MRPS15: variants seen among roughly 807,000 people sequenced by gnomAD.
MRPS15 encodes the protein small ribosomal subunit protein uS15m.
MRPS15 carries 25 observed loss-of-function variants against 30.7 expected under a neutral mutation model. The observed-to-expected ratio is 0.81, with a 90% CI of 0.59 to 1.14. MRPS15 has a LOEUF of 1.14. Among genes scored for constraint, MRPS15 ranks in the 50% most tolerant of loss-of-function variants. The probability of loss-of-function intolerance (pLI) is 0.00; values close to 1 mark genes in which losing one functional copy is unlikely to be tolerated. For missense variants in MRPS15, 313 were observed against 321.7 expected (o/e 0.97, Z 0.21); for synonymous variants, 124 against 120.1 (o/e 1.03, Z -0.21).
intron 4 of MRPS15, 124 bp downstream of exon 4, chr1:36,461,140 G>T: frequency 1.1e-6 from 1 of 929,358 alleles, no homozygotes; most frequent in Non-Finnish European, 1.8e-6. Flanking sequence ...ACAAATGGAG[G>T]CAGAATGACA....
At chr1:36,460,055 G>C (rs779120846) in intron 5 of MRPS15, among the ~76,000 whole-genome samples, 8 of 152,198 alleles carry the variant, frequency 5.3e-5, no homozygotes, top group Non-Finnish European at 8.8e-5. Context: ...CTGTTGCCCA[G>C]GCGAGAGTGC....
intron 3 of MRPS15, among the ~76,000 whole-genome samples, chr1:36,461,773 G>A (rs1025541621): frequency 3.3e-5 from 5 of 152,022 alleles, no homozygotes; most frequent in African/African-American, 1.2e-4. Context: ...TATAAAATGG[G>A]GACATACAGC....
In MRPS15 at chr1:36,464,369, A is replaced by T; in HGVS notation, c.-94T>A. 3 of 1,490,060 alleles carry T rather than the reference A, an allele frequency of 2.0e-6. No individual in the cohort carries two copies. The highest frequency in any genetic ancestry group is 2.6e-5 in the South Asian group (2 of 75,556). 92.3% of individuals were successfully genotyped at this position (1,490,060 alleles called of 1,614,324 possible). ...ATGGGCGCCGCCATGCTGGCCCAGG[A>T]TCGACCAATCGAGGCAGTTGCAATA... On this transcript the variant is annotated 5_prime_UTR_variant, in exon 1 of 8. Coordinates refer to ENST00000373116, the MANE Select transcript of MRPS15 (RefSeq NM_031280.4).
At chr1:36,464,087 C>G (rs1355596637) in intron 1 of MRPS15, 59 bp downstream of exon 1, 5 of 1,594,422 alleles carry the variant, frequency 3.1e-6, no homozygotes, top group Non-Finnish European at 4.3e-6. Context: ...CTTCCTTATT[C>G]CCTATCTTCG....
Position 36,457,908 on chromosome 1 carries a change from AC to A in MRPS15, c.444+14del, listed in dbSNP as rs1183435311. ...GGCTGCTGCTGTTTAACTGTGAATG[AC>A]GTCCAGAGTTTACCTTTCGATGTTT... On this transcript the variant is annotated intron_variant, in intron 6 of 7. Coordinates refer to ENST00000373116, the MANE Select transcript of MRPS15 (RefSeq NM_031280.4). 2 of 1,613,304 alleles carry A rather than the reference AC, an allele frequency of 1.2e-6. No individual in the cohort carries two copies. The highest frequency in any genetic ancestry group is 1.7e-5 in the Admixed American group (1 of 60,020).
intron 6 of MRPS15, chr1:36,456,626 T>G: frequency 2.4e-6 from 1 of 411,112 alleles, no homozygotes. Flanking sequence ...CTTGAATCTC[T>G]ATCTATTGGT....
At chr1:36,461,443 T>C in intron 3 of MRPS15, 131 bp from the exon 4 acceptor site, 1 of 833,230 alleles carries the variant, frequency 1.2e-6, no homozygotes, top group Non-Finnish European at 1.9e-6. Context: ...TCCCTGGAGG[T>C]GGGGAGCCAT....
chr1:36,460,808 G>C (rs3738838), intron 4 of MRPS15, 32 bp from the exon 5 acceptor site: 162,885 of 1,573,320 alleles, frequency 0.1, 9,289 homozygotes, highest in East Asian at 0.26. Context: ...AAAATCTGTG[G>C]AGTCTGCCAC....
At chr1:36,461,515 G>A (rs1268627012) in intron 3 of MRPS15, among the ~76,000 whole-genome samples, 1 of 152,232 alleles carries the variant, frequency 6.6e-6, no homozygotes. Context: ...AGAAACTGGG[G>A]CTGTCAGCTC....
chr1:36,463,763 G>A (rs1160658772), intron 2 of MRPS15, 43 bp downstream of exon 2: 1 of 1,591,180 alleles, frequency 6.3e-7, no homozygotes, highest in Admixed American at 1.8e-5. Flanking sequence ...AGCCTTCCAG[G>A]AGGTCTCTCT....
chr1:36,456,551 C>T, intron 6 of MRPS15, 173 bp from the exon 7 acceptor site: 1 of 672,498 alleles, frequency 1.5e-6, no homozygotes, highest in Non-Finnish European at 2.4e-6. Flanking sequence ...GATGAGAAAA[C>T]AAAGGTTTAA....
Position 36,464,194 on chromosome 1 carries a change from C to A in MRPS15, c.82G>T (p.Gly28Cys). 6.2e-7 allele frequency: 1 copy of A among 1,614,026 alleles called. No homozygotes were observed. The highest frequency in any genetic ancestry group is 1.6e-4 in the Middle Eastern group (1 of 6,062). ...TQVLVPGLPGGGSAKFPFNQW... is the reference protein window; with the variant it reads ...TQVLVPGLPGCGSAKFPFNQW... Reference sequence around the variant, plus strand: ...TTGAAAGGAAACTTGGCGCTCCCACCGCCCGGCAGCCCGGGTACTAGGACC... The same window carrying A: ...TTGAAAGGAAACTTGGCGCTCCCACAGCCCGGCAGCCCGGGTACTAGGACC... The change falls in exon 1 of 8, where the codon GGT becomes TGT. Residue 28 changes from glycine to cysteine, a missense_variant. Gly to Cys is a radical substitution (Grantham distance 159, BLOSUM62 -3). Transcript: ENST00000373116.
intron 2 of MRPS15, among the ~76,000 whole-genome samples, chr1:36,463,605 C>G (rs1403003390): frequency 6.6e-6 from 1 of 152,218 alleles, no homozygotes; most frequent in Non-Finnish European, 1.5e-5. Flanking sequence ...TGGAAAGCTC[C>G]TGCTCCCGCC....
chr1:36,459,027 G>T (rs115995862), intron 5 of MRPS15: 15,784 of 152,208 alleles, frequency 0.1, 948 homozygotes, highest in East Asian at 0.29. Context: ...GGTTCCTGAG[G>T]GGTTCTCTAG....
At chr1:36,461,668 G>A (rs984861224) in intron 3 of MRPS15, among the ~76,000 whole-genome samples, 4 of 152,216 alleles carry the variant, frequency 2.6e-5, no homozygotes, top group African/African-American at 9.6e-5. Flanking sequence ...CATAGGAGCT[G>A]AGCAGAGGGC....
Position 36,455,871 on chromosome 1 carries a change from C to T in MRPS15, c.691G>A (p.Ala231Thr), listed in dbSNP as rs769535172. Residue 231 changes from alanine (A) to threonine (T), a missense_variant, in exon 8 of 8, where the codon GCA (alanine) becomes ACA (threonine). Ala to Thr is a moderately conservative substitution (Grantham distance 58). Coordinates refer to ENST00000373116, the MANE Select transcript of MRPS15 (RefSeq NM_031280.4). Reference sequence around the variant, plus strand: ...CGCTTTGCTTGTTTTTGGGCTGCTGCTGCAGCCTTTAAGGCTCTTCTTCGC... The same window carrying T: ...CGCTTTGCTTGTTTTTGGGCTGCTGTTGCAGCCTTTAAGGCTCTTCTTCGC... The part of the protein sequence containing the change: ...KKRRRALKAA[A>T]AAQKQAKRRN... 2 of 1,614,162 alleles carry T rather than the reference C, an allele frequency of 1.2e-6. No homozygotes were observed. The highest frequency in any genetic ancestry group is 1.7e-6 in the Non-Finnish European group (2 of 1,180,024).
intron 2 of MRPS15, among the ~76,000 whole-genome samples, chr1:36,462,996 G>A (rs1045632513): frequency 2.0e-5 from 3 of 151,536 alleles, no homozygotes; most frequent in Non-Finnish European, 2.9e-5. Context: ...ATGGAGTCTC[G>A]CTCTGTCACC....
chr1:36,461,380 T>C, intron 3 of MRPS15, 68 bp from the exon 4 acceptor site: 1 of 1,461,490 alleles, frequency 6.8e-7, no homozygotes, highest in East Asian at 2.3e-5. Flanking sequence ...CTGGTTTCAT[T>C]TTAGTTTGAA....
chr1:36,461,237 G>A (rs1376080297), intron 4 of MRPS15, 27 bp downstream of exon 4: 1 of 1,613,538 alleles, frequency 6.2e-7, no homozygotes, highest in Non-Finnish European at 8.5e-7. Context: ...GACTGCGGGA[G>A]GCTGAGGCTT....
Sources: allele counts gnomAD v4.1 joint callset (sites outside exome capture counted in the v4.1 genomes callset), GRCh38; gene constraint gnomAD v4.1.1; transcripts MANE v1.5; gene names NCBI Gene and HGNC (gene_info 2026-07-23, HGNC 2026-07-21).